TDP1: variants seen among roughly 807,000 people sequenced by gnomAD.
TDP1 encodes tyr-DNA phosphodiesterase 1.
TDP1 carries 64 observed loss-of-function variants against 81.5 expected under a neutral mutation model. That is an observed-to-expected ratio of 0.79 (90% CI 0.64 to 0.97). TDP1 has a LOEUF of 0.97. Among genes scored for constraint, TDP1 ranks in the 50% least tolerant of loss-of-function variants. The pLI is 0.00. For missense variants in TDP1, 723 were observed against 743.8 expected (o/e 0.97, Z 0.33); for synonymous variants, 256 against 264.3 (o/e 0.97, Z 0.30).
At chr14:89,970,022 G>A (rs895265207) in intron 5 of TDP1, among the ~76,000 whole-genome samples, 75 of 149,772 alleles carry the variant, frequency 5.0e-4, no homozygotes, top group Admixed American at 9.9e-4. Flanking sequence ...GACTACAGGC[G>A]CCCGCCACTA....
chr14:90,027,322 A>G (rs1349212582), intron 15 of TDP1, among the ~76,000 whole-genome samples: 2 of 151,614 alleles, frequency 1.3e-5, no homozygotes, highest in African/African-American at 2.4e-5. Flanking sequence ...ATCTCAGGCT[A>G]CTGCTGGGTT....
chr14:89,956,607 C>A lies in TDP1; in HGVS notation c.-201C>A. 6.6e-6 allele frequency: 1 copy of A among 152,450 alleles called. No individual in the cohort carries two copies. The highest frequency in any genetic ancestry group is 1.5e-5 in the Non-Finnish European group (1 of 68,172). The allele number at this position is 152,450 out of a possible 1,614,324, so 9.4% of individuals were successfully genotyped here. ...GGAGCACACAGCTGTATTAAAAAGG[C>A]AAATCGAAGGCCGGGCGCGGTGACT... On this transcript the variant is annotated 5_prime_UTR_variant, in exon 2 of 17. Transcript: ENST00000335725.
chr14:90,031,296 C>A (rs995025927), intron 15 of TDP1, among the ~76,000 whole-genome samples: 1 of 134,048 alleles, frequency 7.5e-6, no homozygotes, highest in African/African-American at 2.7e-5. Flanking sequence ...GTGTGATGTT[C>A]CCCTTCCTGT....
chr14:90,025,972 G>A (rs1203291452), intron 15 of TDP1, among the ~76,000 whole-genome samples: 1 of 152,174 alleles, frequency 6.6e-6, no homozygotes, highest in Non-Finnish European at 1.5e-5. Context: ...CCTGGATCAG[G>A]GTCCAATACT....
At position 89,993,420 on chromosome 14, in the gene TDP1, A is replaced by G. The variant is rs119467003; in HGVS notation, c.1478A>G (p.His493Arg). ...ETSGRSNAMPHIKTYMRPSPD... is the reference protein window; with the variant it reads ...ETSGRSNAMPRIKTYMRPSPD... The stretch of plus-strand genomic sequence containing the variant: ...TCTGGCCGCAGCAATGCCATGCCAC[A>G]TATTAAGACATATATGAGGCCTTCT... Residue 493 changes from histidine to arginine, a missense_variant, in exon 14 of 17, where the codon CAT (histidine) becomes CGT (arginine). His to Arg is a conservative substitution (Grantham distance 29, BLOSUM62 0). Coordinates refer to ENST00000335725, the MANE Select transcript of TDP1 (RefSeq NM_018319.4). 8.1e-6 allele frequency: 13 copies of G among 1,613,830 alleles called. No homozygotes were observed. The African/African-American group carries it at 1.3e-4, about 17-fold the overall frequency.
intron 5 of TDP1, among the ~76,000 whole-genome samples, chr14:89,968,693 C>T (rs140584982): frequency 6.6e-6 from 1 of 152,358 alleles, no homozygotes; most frequent in Admixed American, 6.5e-5. Context: ...TTGGCTCCTC[C>T]TCGCAGTAGT....
chr14:89,972,735 T>G (rs886450734), intron 6 of TDP1, among the ~76,000 whole-genome samples: 1 of 152,264 alleles, frequency 6.6e-6, no homozygotes, highest in African/African-American at 2.4e-5. Flanking sequence ...ATGGTGATTA[T>G]GAAGTAGCTG....
intron 15 of TDP1, chr14:90,032,894 T>A (rs1052901399): frequency 1.6e-5 from 16 of 976,406 alleles, no homozygotes; most frequent in Non-Finnish European, 1.9e-5. Flanking sequence ...ACTTAATTCC[T>A]GAAAATTAAA....
chr14:89,995,045 C>T (rs541417131), intron 14 of TDP1, among the ~76,000 whole-genome samples: 108 of 152,276 alleles, frequency 7.1e-4, no homozygotes, highest in Non-Finnish European at 1.3e-3. Context: ...GCTTTAATGT[C>T]GAATGGCTGT....
rs561229342 is a variant in TDP1, at chr14:89,999,786, C to G, written c.1541+6303C>G. On this transcript the variant is annotated intron_variant, in intron 14 of 16. Coordinates refer to ENST00000335725, the MANE Select transcript of TDP1 (RefSeq NM_018319.4). Reference sequence around the variant, plus strand: ...TTGCTCAAGTTTTCTTTCCACTCTTCCAAGTTCTTTCAAAATAAGTTGACA... The same window carrying G: ...TTGCTCAAGTTTTCTTTCCACTCTTGCAAGTTCTTTCAAAATAAGTTGACA... Among the ~76,000 whole-genome samples the G allele has an allele frequency of 1.1e-3, 167 of 152,292 alleles. 1 individual carries two copies. The highest frequency in any genetic ancestry group is 3.8e-3 in the African/African-American group (158 of 41,556).
At chr14:89,976,247 A>G (rs545434095) in intron 7 of TDP1, among the ~76,000 whole-genome samples, 1 of 151,964 alleles carries the variant, frequency 6.6e-6, no homozygotes, top group South Asian at 2.1e-4. Context: ...CTGGGACTAC[A>G]GGCACACGCC....
At chr14:89,984,945 T>G in intron 9 of TDP1, 187 bp from the exon 10 acceptor site, 1 of 978,426 alleles carries the variant, frequency 1.0e-6, no homozygotes, top group Non-Finnish European at 1.2e-6. Context: ...TCTGGTACTT[T>G]ACATCTTGTA....
intron 3 of TDP1, among the ~76,000 whole-genome samples, chr14:89,965,142 A>T (rs947516121): frequency 2.0e-5 from 3 of 152,242 alleles, no homozygotes; most frequent in Non-Finnish European, 4.4e-5. Context: ...CAACTCTCCC[A>T]ATAAGGTAGA....
chr14:89,970,681 A>C (rs1469976808), intron 5 of TDP1: 1 of 260,478 alleles, frequency 3.8e-6, no homozygotes, highest in Non-Finnish European at 6.0e-6. Flanking sequence ...CCCATTATAA[A>C]GGTATCTGGT....
At position 89,976,555 on chromosome 14, in the gene TDP1, T is replaced by TTA. The variant is rs1555385708; in HGVS notation, c.791+740_791+741insTA. On this transcript the variant is annotated intron_variant, in intron 7 of 16. Coordinates refer to ENST00000335725, the MANE Select transcript of TDP1 (RefSeq NM_018319.4). The stretch of plus-strand genomic sequence containing the variant: ...TTTTTTTTTTTTTTTTTTTTTTTTT[T>TTA]AGACAGAGTCTCGCTCTGTTGCCCA... 1.7e-3 allele frequency among the ~76,000 whole-genome samples: 223 copies of TTA among 132,868 alleles called. 8 individuals carry two copies. Among genetic ancestry groups the TTA allele is most frequent in the African/African-American group, 6.5e-3 (201 of 30,870 alleles). 87.2% of individuals were successfully genotyped at this position (132,868 alleles called of 152,430 possible).
chr14:90,021,684 TAAGA>T (rs1265803869), intron 15 of TDP1, among the ~76,000 whole-genome samples: 1 of 152,212 alleles, frequency 6.6e-6, no homozygotes, highest in African/African-American at 2.4e-5. Context: ...TATTTTGGAA[TAAGA>T]AAGAGCCCCA....
At chr14:90,024,526 C>A (rs915466810) in intron 15 of TDP1, among the ~76,000 whole-genome samples, 2 of 152,138 alleles carry the variant, frequency 1.3e-5, no homozygotes, top group Non-Finnish European at 2.9e-5. Context: ...CCATACCGAA[C>A]AATGTGAGAA....
chr14:90,006,254 T>A (rs1897674264), intron 14 of TDP1, among the ~76,000 whole-genome samples: 1 of 152,168 alleles, frequency 6.6e-6, no homozygotes, highest in Non-Finnish European at 1.5e-5. Flanking sequence ...ATCATAATCA[T>A]TTTCATTTTT....
intron 15 of TDP1, among the ~76,000 whole-genome samples, chr14:90,024,023 T>TA (rs1886377222): frequency 6.6e-6 from 1 of 152,162 alleles, no homozygotes; most frequent in Non-Finnish European, 1.5e-5. Flanking sequence ...AATCAGCTGT[T>TA]ACTGCCATGG....
Sources: allele counts gnomAD v4.1 joint callset (sites outside exome capture counted in the v4.1 genomes callset), GRCh38; gene constraint gnomAD v4.1.1; transcripts MANE v1.5; gene names NCBI Gene and HGNC (gene_info 2026-07-23, HGNC 2026-07-21).